Variants in SRBD1 observed in about 807,000 individuals in gnomAD.
SRBD1 encodes S1 RNA-binding domain-containing protein 1.
SRBD1 carries 88 observed loss-of-function variants against 115.3 expected under a neutral mutation model. The ratio of observed to expected loss-of-function variants is 0.76; its 90% CI spans 0.64 to 0.91. SRBD1 has a LOEUF of 0.91. Ranked by LOEUF, SRBD1 falls within the 40% of genes least tolerant of loss-of-function variation. The pLI is 0.00. For synonymous variants in SRBD1, 509 were observed against 407.7 expected, an observed-to-expected ratio of 1.25 and a Z score of -2.99; for missense variants, 1,385 against 1,177.4, an observed-to-expected ratio of 1.18 and a Z score of -2.58.
intron 9 of SRBD1, among the ~76,000 whole-genome samples, chr2:45,568,654 C>A (rs1445640843): frequency 6.6e-6 from 1 of 152,110 alleles, no homozygotes; most frequent in Admixed American, 6.5e-5. Flanking sequence ...GCTACACACA[C>A]TAGTTAAAAT....
intron 16 of SRBD1, among the ~76,000 whole-genome samples, chr2:45,465,265 CAAT>C (rs1264820445): frequency 6.6e-6 from 1 of 152,152 alleles, no homozygotes; most frequent in Non-Finnish European, 1.5e-5. Context: ...GTTTAGGCAA[CAAT>C]GACACGGAAA....
intron 16 of SRBD1, 116 bp downstream of exon 16, chr2:45,476,877 T>C (rs1669819386): frequency 2.2e-6 from 2 of 893,110 alleles, no homozygotes; most frequent in Non-Finnish European, 3.5e-6. Flanking sequence ...TTCCACAAAC[T>C]GTATAACCTT....
chr2:45,416,878 A>G (rs1240198947), intron 18 of SRBD1, among the ~76,000 whole-genome samples: 1 of 152,118 alleles, frequency 6.6e-6, no homozygotes, highest in Non-Finnish European at 1.5e-5. Context: ...TCCTGGGTTC[A>G]GGCAATTCTC....
intron 16 of SRBD1, among the ~76,000 whole-genome samples, chr2:45,457,954 CTAAAT>C (rs1274052077): frequency 1.3e-5 from 2 of 152,004 alleles, no homozygotes; most frequent in Non-Finnish European, 2.9e-5. Flanking sequence ...AAATTTTAAA[CTAAAT>C]TATTCCCTTT....
intron 16 of SRBD1, among the ~76,000 whole-genome samples, chr2:45,459,461 A>AT (rs141622831): frequency 0.02 from 3,048 of 152,258 alleles, 98 homozygotes; most frequent in African/African-American, 0.07. Context: ...GAACATGCTT[A>AT]TACCTGACAG....
chr2:45,491,022 T>C (rs1026872897), intron 14 of SRBD1, among the ~76,000 whole-genome samples: 1 of 152,076 alleles, frequency 6.6e-6, no homozygotes, highest in African/African-American at 2.4e-5. Flanking sequence ...ATATAAAACA[T>C]GTAAGGACTG....
chr2:45,547,281 G>T (rs1296799640), intron 13 of SRBD1, among the ~76,000 whole-genome samples: 2 of 152,180 alleles, frequency 1.3e-5, no homozygotes, highest in East Asian at 3.9e-4. Context: ...ACAGAAGAAT[G>T]AACTGCTCAC....
chr2:45,514,113 A>G (rs1671052228), intron 14 of SRBD1, among the ~76,000 whole-genome samples: 1 of 152,208 alleles, frequency 6.6e-6, no homozygotes, highest in Non-Finnish European at 1.5e-5. Flanking sequence ...AAAATACTTG[A>G]TAAATAGCAG....
chr2:45,580,845 C>T (rs911036990), intron 6 of SRBD1, among the ~76,000 whole-genome samples: 3 of 150,942 alleles, frequency 2.0e-5, no homozygotes, highest in African/African-American at 4.9e-5. Context: ...CCACCACGCC[C>T]AGCTAATTTT....
intron 15 of SRBD1, among the ~76,000 whole-genome samples, chr2:45,485,222 C>A (rs1334288474): frequency 3.9e-5 from 6 of 152,158 alleles, no homozygotes; most frequent in African/African-American, 1.4e-4. Flanking sequence ...TACTTGGCAC[C>A]ATTTCCTGAA....
intron 4 of SRBD1, among the ~76,000 whole-genome samples, chr2:45,587,827 A>T (rs1558497642): frequency 6.6e-6 from 1 of 152,180 alleles, no homozygotes; most frequent in African/African-American, 2.4e-5. Context: ...ATTTTGACAC[A>T]TTCTCTTGGA....
At chr2:45,486,839 T>C (rs1279747326) in intron 15 of SRBD1, among the ~76,000 whole-genome samples, 1 of 152,106 alleles carries the variant, frequency 6.6e-6, no homozygotes, top group Non-Finnish European at 1.5e-5. Flanking sequence ...ATAATCTTGG[T>C]AACATACTTA....
At chr2:45,552,839 C>T (rs1261992804) in intron 11 of SRBD1, among the ~76,000 whole-genome samples, 1 of 152,098 alleles carries the variant, frequency 6.6e-6, no homozygotes, top group Non-Finnish European at 1.5e-5. Flanking sequence ...TGCTCTGAAC[C>T]CATCTTAATT....
At chr2:45,526,780 A>G (rs1297207264) in intron 14 of SRBD1, among the ~76,000 whole-genome samples, 1 of 151,994 alleles carries the variant, frequency 6.6e-6, no homozygotes, top group Non-Finnish European at 1.5e-5. Context: ...AAATGAATGA[A>G]TATAAAATAA....
At chr2:45,468,415 TCTCA>T (rs1239129084) in intron 16 of SRBD1, among the ~76,000 whole-genome samples, 3 of 150,234 alleles carry the variant, frequency 2.0e-5, no homozygotes, top group African/African-American at 7.4e-5. Context: ...TGACACAGGG[TCTCA>T]CTCTGTTGCC....
intron 14 of SRBD1, among the ~76,000 whole-genome samples, chr2:45,529,616 C>G (rs541178869): frequency 6.6e-6 from 1 of 151,882 alleles, no homozygotes; most frequent in Non-Finnish European, 1.5e-5. Flanking sequence ...TCACCAAAGT[C>G]TAAACCATCT....
intron 4 of SRBD1, among the ~76,000 whole-genome samples, chr2:45,594,340 T>C (rs1673824535): frequency 1.3e-5 from 2 of 152,146 alleles, no homozygotes; most frequent in African/African-American, 4.8e-5. Flanking sequence ...TTAGCAAACT[T>C]TACTAAGATA....
At chr2:45,500,144 A>G (rs1470457620) in intron 14 of SRBD1, among the ~76,000 whole-genome samples, 1 of 152,124 alleles carries the variant, frequency 6.6e-6, no homozygotes, top group Non-Finnish European at 1.5e-5. Context: ...ATATTATTCC[A>G]ACTTTCCATC....
Position 45,454,757 on chromosome 2 carries a change from T to C in SRBD1, c.2049+22236A>G, listed in dbSNP as rs141884328. On this transcript the variant is annotated intron_variant, in intron 16 of 20. Transcript: ENST00000263736. ...TTCTCACAAACAGCACGGTTTTTCA[T>C]GTGTCACAATCATTCAGCAAATTAT... is the stretch of plus-strand genomic sequence containing the variant. Among the ~76,000 whole-genome samples the C allele has an allele frequency of 6.1e-4, 93 of 152,014 alleles. 1 individual carries two copies. The highest frequency in any genetic ancestry group is 1.5e-3 in the East Asian group (8 of 5,188).
Sources: allele counts gnomAD v4.1 joint callset (sites outside exome capture counted in the v4.1 genomes callset), GRCh38; gene constraint gnomAD v4.1.1; transcripts MANE v1.5; gene names NCBI Gene and HGNC (gene_info 2026-07-23, HGNC 2026-07-21).